The following PCDH7 variants were observed in gnomAD, a reference collection of about 807,000 sequenced individuals.
The protein encoded by PCDH7 is protocadherin-7.
In PCDH7, 17 loss-of-function variants were observed where a neutral mutation model predicts 58.9. The observed-to-expected ratio is 0.29, with a 90% CI of 0.20 to 0.43. The LOEUF is 0.43. Among genes scored for constraint, PCDH7 ranks in the 20% least tolerant of loss-of-function variants. The probability of loss-of-function intolerance (pLI) is 1.00; values close to 1 mark genes in which losing one functional copy is unlikely to be tolerated. For synonymous variants in PCDH7, 664 were observed against 616.4 expected (o/e 1.08, Z -1.14); for missense variants, 1,274 against 1,441.0 (o/e 0.88, Z 1.88).
intron 3 of PCDH7, among the ~76,000 whole-genome samples, chr4:31,035,217 C>A (rs1341704517): frequency 6.7e-6 from 1 of 149,978 alleles, no homozygotes; most frequent in African/African-American, 2.5e-5. Flanking sequence ...ATGACCTCAG[C>A]AAGCATCTAT....
At chr4:30,917,462 G>T (rs913618537) in intron 1 of PCDH7, among the ~76,000 whole-genome samples, 14 of 151,940 alleles carry the variant, frequency 9.2e-5, no homozygotes, top group African/African-American at 3.4e-4. Context: ...AAAAATGATA[G>T]GTGTGATATA....
intron 3 of PCDH7, among the ~76,000 whole-genome samples, chr4:31,013,600 C>CACAA (rs386399680): frequency 6.6e-6 from 1 of 150,824 alleles, no homozygotes; most frequent in Admixed American, 6.6e-5. Context: ...TATACACACA[C>CACAA]ACACACACAC....
intron 3 of PCDH7, among the ~76,000 whole-genome samples, chr4:30,970,563 G>A (rs140316634): frequency 0.038 from 5,762 of 152,250 alleles, 211 homozygotes; most frequent in East Asian, 0.16. Flanking sequence ...AAAGTGCTGG[G>A]ATTAAAGGCA....
rs191334139 is a variant in PCDH7, at chr4:30,996,673, T to G, written c.*7+46458T>G. On this transcript the variant is annotated intron_variant, in intron 3 of 3. Coordinates refer to the PCDH7 transcript ENST00000509759. Reference sequence around the variant, plus strand: ...CCTGTCAGACACTGGGGAAACTTGGTTTTATTTTTATAGTATAGTTGATTA... The same window carrying G: ...CCTGTCAGACACTGGGGAAACTTGGGTTTATTTTTATAGTATAGTTGATTA... Among the ~76,000 whole-genome samples the G allele has an allele frequency of 2.7e-3, 410 of 152,266 alleles. 2 individuals carry two copies. Among genetic ancestry groups the G allele is most frequent in the African/African-American group, 9.4e-3 (392 of 41,568 alleles).
intron 3 of PCDH7, among the ~76,000 whole-genome samples, chr4:30,956,347 C>T (rs772839770): frequency 4.6e-5 from 7 of 151,994 alleles, no homozygotes; most frequent in African/African-American, 9.7e-5. Flanking sequence ...AATATTTTAT[C>T]GGAATTGATG....
intron 1 of PCDH7, among the ~76,000 whole-genome samples, chr4:30,891,992 G>T (rs1738675847): frequency 6.6e-6 from 1 of 151,872 alleles, no homozygotes; most frequent in African/African-American, 2.4e-5. Context: ...TGTCAAAAAA[G>T]AATGAATGTT....
At chr4:30,778,521 G>C (rs956838772) in intron 1 of PCDH7, among the ~76,000 whole-genome samples, 1 of 151,970 alleles carries the variant, frequency 6.6e-6, no homozygotes, top group Non-Finnish European at 1.5e-5. Flanking sequence ...TATATTTTAT[G>C]ATTTTTTTCA....
At chr4:30,807,394 G>T (rs577514201) in intron 1 of PCDH7, among the ~76,000 whole-genome samples, 1 of 152,236 alleles carries the variant, frequency 6.6e-6, no homozygotes, top group East Asian at 1.9e-4. Context: ...TCGAAGCAAT[G>T]ATACCTATTT....
intron 1 of PCDH7, among the ~76,000 whole-genome samples, chr4:30,811,403 AAGG>A (rs1726990114): frequency 6.6e-6 from 1 of 152,238 alleles, no homozygotes; most frequent in African/African-American, 2.4e-5. Context: ...CTATAAAAAA[AAGG>A]ATGACAGTTT....
At chr4:30,796,956 G>A (rs1195216017) in intron 1 of PCDH7, among the ~76,000 whole-genome samples, 3 of 151,518 alleles carry the variant, frequency 2.0e-5, no homozygotes, top group Non-Finnish European at 4.4e-5. Context: ...AGTTGTTGGC[G>A]CTTTTTCTTT....
chr4:30,828,232 T>A (rs2109327850), intron 1 of PCDH7, among the ~76,000 whole-genome samples: 1 of 145,412 alleles, frequency 6.9e-6, no homozygotes, highest in Non-Finnish European at 1.5e-5. Context: ...TCAACAAAAA[T>A]TACCCTTAGT....
intron 1 of PCDH7, among the ~76,000 whole-genome samples, chr4:30,841,811 G>T (rs1035575170): frequency 2.0e-5 from 3 of 152,002 alleles, no homozygotes; most frequent in Non-Finnish European, 4.4e-5. Flanking sequence ...GCTAATATCT[G>T]GGGATAGTGT....
At chr4:30,962,835 G>T (rs1748597482) in intron 3 of PCDH7, among the ~76,000 whole-genome samples, 1 of 143,336 alleles carries the variant, frequency 7.0e-6, no homozygotes, top group Admixed American at 7.0e-5. Flanking sequence ...GTGAAGTGTT[G>T]ATACACTTGA....
At chr4:31,080,825 G>C (rs1282460045) in intron 3 of PCDH7, among the ~76,000 whole-genome samples, 3 of 152,236 alleles carry the variant, frequency 2.0e-5, no homozygotes, top group African/African-American at 7.2e-5. Flanking sequence ...ATGTGTTGTG[G>C]GAGGGGCCAA....
At chr4:30,777,465 T>A (rs1331923780) in intron 1 of PCDH7, among the ~76,000 whole-genome samples, 1 of 152,146 alleles carries the variant, frequency 6.6e-6, no homozygotes, top group Non-Finnish European at 1.5e-5. Context: ...AAAAGAAGCA[T>A]TGCTGATTAT....
rs532728820 is a variant in PCDH7, at chr4:31,072,488, C to G, written c.*8-69985C>G. Among the ~76,000 whole-genome samples the G allele has an allele frequency of 2.0e-5, 3 of 152,034 alleles. No individual in the cohort carries two copies. In the East Asian group the frequency reaches 5.8e-4, roughly 29 times the overall value. Reference sequence around the variant, plus strand: ...GGCATTGACAATGTGAGCATAAATACAGAGGAAAGAAGCAGGCTTTTGAAC... The same window carrying G: ...GGCATTGACAATGTGAGCATAAATAGAGAGGAAAGAAGCAGGCTTTTGAAC... On this transcript the variant is annotated intron_variant, in intron 3 of 3. Coordinates refer to the PCDH7 transcript ENST00000509759.
rs564193508 is a variant in PCDH7, at chr4:30,921,730, CA to C, written c.287+1362del. ...AGTCTGGTGTGGTTTCTAAGAGTTA[CA>C]TTTTTTTTAGTAATTTTTTTAATGG... On this transcript the variant is annotated intron_variant, in intron 2 of 3. Transcript: ENST00000509759. Among the ~76,000 whole-genome samples the C allele has an allele frequency of 1.8e-3, 280 of 151,728 alleles. 2 individuals are homozygous for C. Among genetic ancestry groups the C allele is most frequent in the Admixed American group, 3.5e-3 (54 of 15,214 alleles).
chr4:30,859,411 G>A (rs1733899630), intron 1 of PCDH7, among the ~76,000 whole-genome samples: 1 of 151,440 alleles, frequency 6.6e-6, no homozygotes. Context: ...CCCTGTATGT[G>A]CATCAGAGAA....
chr4:31,116,483 T>C (rs566437698), intron 3 of PCDH7, among the ~76,000 whole-genome samples: 8 of 152,248 alleles, frequency 5.3e-5, no homozygotes, highest in African/African-American at 1.7e-4. Context: ...GTAGACAAAC[T>C]TTGTCTTGAT....
Sources: allele counts gnomAD v4.1 joint callset (sites outside exome capture counted in the v4.1 genomes callset), GRCh38; gene constraint gnomAD v4.1.1; transcripts MANE v1.5; gene names NCBI Gene and HGNC (gene_info 2026-07-23, HGNC 2026-07-21).